The following RNF150 variants were observed in gnomAD, a reference collection of about 807,000 sequenced individuals.
The protein encoded by RNF150 is ring finger protein 150.
In RNF150, 24 loss-of-function variants were observed where a neutral mutation model predicts 39.3. That is an observed-to-expected ratio of 0.61 (90% confidence interval 0.44 to 0.86). The LOEUF (loss-of-function observed/expected upper bound fraction) is 0.86, where lower values mean the gene tolerates loss of function less well. Ranked by LOEUF, RNF150 falls within the 40% of genes least tolerant of loss-of-function variation. The pLI is 0.00. For missense variants in RNF150, 502 were observed against 587.8 expected (o/e 0.85, Z 1.51); for synonymous variants, 255 against 227.3 (o/e 1.12, Z -1.10).
intron 1 of RNF150, among the ~76,000 whole-genome samples, chr4:141,203,392 T>A (rs554139288): frequency 2.9e-4 from 43 of 150,076 alleles, no homozygotes; most frequent in Non-Finnish European, 4.9e-4. Context: ...ATATATAATA[T>A]TGGAGATTTT....
intron 1 of RNF150, among the ~76,000 whole-genome samples, chr4:140,978,843 C>T (rs1733759289): frequency 6.6e-6 from 1 of 151,936 alleles, no homozygotes; most frequent in African/African-American, 2.4e-5. Context: ...ATGATAGAGT[C>T]CAGGCTGAAA....
intron 1 of RNF150, among the ~76,000 whole-genome samples, chr4:140,998,244 C>T (rs1234847679): frequency 1.3e-5 from 2 of 152,202 alleles, no homozygotes; most frequent in African/African-American, 4.8e-5. Flanking sequence ...AAGCCAAACA[C>T]TCAATGTCAC....
At position 140,867,653 on chromosome 4, in the gene RNF150, G is replaced by T. The variant is rs549608591; in HGVS notation, c.*608C>A. 1.3e-5 allele frequency: 2 copies of T among 152,230 alleles called. No individual in the cohort carries two copies. Among genetic ancestry groups the T allele is most frequent in the Non-Finnish European group, 2.9e-5 (2 of 68,094 alleles). The allele number at this position is 152,230 out of a possible 1,614,324, so 9.4% of individuals were successfully genotyped here. A position where few individuals can be genotyped will look rare whatever the true frequency, so the allele number is the denominator to read the frequency against. On this transcript the variant is annotated 3_prime_UTR_variant, in exon 7 of 7. Transcript: ENST00000515673. Reference sequence around the variant, plus strand: ...TTAAAGGCCCACTTAGAAGAACTTAGATTCTTAATGAAAGCTGGCCTTAGT... The same window carrying T: ...TTAAAGGCCCACTTAGAAGAACTTATATTCTTAATGAAAGCTGGCCTTAGT...
intron 1 of RNF150, among the ~76,000 whole-genome samples, chr4:141,070,521 A>T (rs1320201819): frequency 2.0e-5 from 3 of 149,520 alleles, no homozygotes; most frequent in Non-Finnish European, 4.5e-5. Context: ...CAATGAACTC[A>T]AACAAATTTA....
chr4:141,152,171 G>T lies in RNF150; in HGVS notation c.-6+60623C>A, dbSNP rs190731454. Among the ~76,000 whole-genome samples the T allele has an allele frequency of 3.9e-5, 6 of 152,264 alleles. No individual in the cohort carries two copies. In the East Asian group the frequency reaches 1.2e-3, roughly 29 times the overall value. On this transcript the variant is annotated intron_variant, in intron 1 of 7. Coordinates refer to the RNF150 transcript ENST00000420921. ...GATTGAGCTGTGAAATTTTATTACA[G>T]AATTATATTATGCCACAAGGATTCA...
intron 1 of RNF150, among the ~76,000 whole-genome samples, chr4:141,212,614 C>G (rs1266344667): frequency 6.6e-6 from 1 of 152,106 alleles, no homozygotes; most frequent in African/African-American, 2.4e-5. Flanking sequence ...AACTTTGTTT[C>G]TACACTGAGG....
chr4:140,915,251 G>T (rs1265197686), intron 5 of RNF150, among the ~76,000 whole-genome samples: 1 of 152,148 alleles, frequency 6.6e-6, no homozygotes, highest in East Asian at 1.9e-4. Flanking sequence ...GGAATACATG[G>T]AACATAGGAA....
chr4:141,179,557 C>A (rs62324944), intron 1 of RNF150, among the ~76,000 whole-genome samples: 36,435 of 152,098 alleles, frequency 0.24, 5,016 homozygotes, highest in East Asian at 0.64. Context: ...TCTATACAGG[C>A]ACTTTCACCT....
chr4:141,100,129 T>A (rs1738955160), intron 1 of RNF150, among the ~76,000 whole-genome samples: 1 of 152,220 alleles, frequency 6.6e-6, no homozygotes, highest in African/African-American at 2.4e-5. Context: ...AATCTAGACC[T>A]CAAGGGACTA....
intron 6 of RNF150, among the ~76,000 whole-genome samples, chr4:140,884,648 T>A (rs2111212208): frequency 6.6e-6 from 1 of 152,292 alleles, no homozygotes; most frequent in South Asian, 2.1e-4. Flanking sequence ...TGTGTTTATG[T>A]TTGAGACACG....
intron 6 of RNF150, among the ~76,000 whole-genome samples, chr4:140,888,039 C>T (rs1729639563): frequency 1.3e-5 from 2 of 152,202 alleles, no homozygotes; most frequent in South Asian, 4.1e-4. Flanking sequence ...TTCTGACTAT[C>T]TGTTTCTCCA....
At chr4:141,203,058 T>TAA (rs1728314551) in intron 1 of RNF150, among the ~76,000 whole-genome samples, 1 of 62,496 alleles carries the variant, frequency 1.6e-5, no homozygotes, top group South Asian at 6.2e-4. Context: ...TTGGAGATTT[T>TAA]ATATATATAT....
chr4:140,965,022 C>T (rs565268836), intron 2 of RNF150, among the ~76,000 whole-genome samples: 19 of 151,990 alleles, frequency 1.3e-4, no homozygotes, highest in African/African-American at 4.1e-4. Context: ...AAAATAATGT[C>T]AGCTCTCTAC....
intron 1 of RNF150, among the ~76,000 whole-genome samples, chr4:141,129,896 T>A (rs1388911601): frequency 6.6e-6 from 1 of 152,200 alleles, no homozygotes; most frequent in African/African-American, 2.4e-5. Flanking sequence ...CTGAAATCTA[T>A]CAGTTCCAAA....
At chr4:141,142,443 G>C (rs1350513458) in intron 1 of RNF150, among the ~76,000 whole-genome samples, 1 of 152,140 alleles carries the variant, frequency 6.6e-6, no homozygotes, top group Non-Finnish European at 1.5e-5. Flanking sequence ...ACAGGCTCTA[G>C]TCTCACCTGA....
chr4:140,971,689 G>A (rs1274169186), intron 1 of RNF150, among the ~76,000 whole-genome samples: 1 of 152,116 alleles, frequency 6.6e-6, no homozygotes, highest in Admixed American at 6.6e-5. Context: ...CCTTGAGAGT[G>A]CTCCATTGCC....
chr4:141,108,123 ACT>A (rs966607267), intron 1 of RNF150, among the ~76,000 whole-genome samples: 6 of 151,942 alleles, frequency 3.9e-5, no homozygotes, highest in African/African-American at 1.5e-4. Context: ...GTGTGAAAGC[ACT>A]CTCTCCAAAT....
intron 1 of RNF150, among the ~76,000 whole-genome samples, chr4:141,005,598 A>G (rs2110730666): frequency 6.6e-6 from 1 of 152,134 alleles, no homozygotes; most frequent in Middle Eastern, 3.4e-3. Context: ...TGCACTGCAC[A>G]AGTACTTAGA....
intron 1 of RNF150, among the ~76,000 whole-genome samples, chr4:141,091,778 C>G (rs865921981): frequency 6.6e-6 from 1 of 152,106 alleles, no homozygotes; most frequent in African/African-American, 2.4e-5. Context: ...AAGACAGACC[C>G]ACTGACTCAT....
Sources: allele counts gnomAD v4.1 joint callset (sites outside exome capture counted in the v4.1 genomes callset), GRCh38; gene constraint gnomAD v4.1.1; transcripts MANE v1.5; gene names NCBI Gene and HGNC (gene_info 2026-07-23, HGNC 2026-07-21).